The following YIF1A variants were observed in gnomAD, a reference collection of about 807,000 sequenced individuals.
YIF1A encodes Yip1 interacting factor homolog A, membrane trafficking protein, also known as protein YIF1A.
A neutral mutation model predicts 32.6 loss-of-function variants in YIF1A; 28 were observed. The observed-to-expected ratio is 0.86, with a 90% CI of 0.64 to 1.18. The LOEUF is 1.18. Ranked by LOEUF, YIF1A falls within the 50% of genes most tolerant of loss-of-function variation. The probability of loss-of-function intolerance (pLI) is 0.00; values close to 1 mark genes in which losing one functional copy is unlikely to be tolerated. For missense variants in YIF1A, 373 were observed against 390.8 expected (o/e 0.95, Z 0.38); for synonymous variants, 175 against 162.2 (o/e 1.08, Z -0.60).
intron 4 of YIF1A, among the ~76,000 whole-genome samples, chr11:66,286,489 C>T (rs1376529359): frequency 2.6e-5 from 4 of 152,254 alleles, no homozygotes; most frequent in South Asian, 2.1e-4. Context: ...TGGTGGCAGG[C>T]GCCTGTAGCC....
Position 66,287,799 on chromosome 11 carries a change from G to A in YIF1A, c.348+13C>T. The stretch of plus-strand genomic sequence containing the variant: ...TGAGGAAGGCCCACCAGCTCCCTTG[G>A]TAGGAAGCTCACCTGGTGTGTGTAG... On this transcript the variant is annotated intron_variant, in intron 3 of 7. Coordinates refer to ENST00000376901, the MANE Select transcript of YIF1A (RefSeq NM_020470.3). 1 of 1,612,380 alleles carries A rather than the reference G, an allele frequency of 6.2e-7. No homozygotes were observed. The highest frequency in any genetic ancestry group is 8.5e-7 in the Non-Finnish European group (1 of 1,178,474).
rs777306132 is a variant in YIF1A, at chr11:66,285,745, A to C, written c.441T>G (p.Ile147Met). 6.2e-7 allele frequency: 1 copy of C among 1,613,028 alleles called. No individual in the cohort carries two copies. The highest frequency in any genetic ancestry group is 8.5e-7 in the Non-Finnish European group (1 of 1,179,900). The change falls in exon 5 of 8, where the codon ATT (isoleucine) becomes ATG (methionine). Residue 147 changes from isoleucine to methionine, a missense_variant. By Grantham distance (10) the Ile-to-Met change is conservative. Coordinates refer to ENST00000376901, the MANE Select transcript of YIF1A (RefSeq NM_020470.3). ...PDLYIPTMAF[I>M]TYVLLAGMAL... ...CCATCCCAGCCAGGAGCACGTAAGTAATGAAGGCCATCGCTGCCAAGTGCC... is the reference window on the plus strand; with the variant it reads ...CCATCCCAGCCAGGAGCACGTAAGTCATGAAGGCCATCGCTGCCAAGTGCC...
Position 66,284,902 on chromosome 11 carries a change from A to C in YIF1A, c.706T>G (p.Trp236Gly). 6.2e-7 allele frequency: 1 copy of C among 1,613,354 alleles called. No individual in the cohort carries two copies. The highest frequency in any genetic ancestry group is 8.5e-7 in the Non-Finnish European group (1 of 1,180,000). The change falls in exon 7 of 8, where the codon TGG becomes GGG. Residue 236 changes from tryptophan (W) to glycine (G), a missense_variant. Coordinates refer to ENST00000376901, the MANE Select transcript of YIF1A (RefSeq NM_020470.3). ...GSDGYYVALA[W>G]TSSALMYFIV... ...AAGTACATGAGCGCCGATGAGGTCC[A>C]GGCCAGCGCCACGTAGTAGCCATCG...
At chr11:66,288,411 A>G in intron 1 of YIF1A, 119 bp from the exon 2 acceptor site, 7 of 1,207,668 alleles carry the variant, frequency 5.8e-6, no homozygotes, top group Non-Finnish European at 8.3e-6. Context: ...CAGTGAGGGG[A>G]CCCCAAGCTG....
chr11:66,288,393 G>A (rs1857397620), intron 1 of YIF1A, 101 bp from the exon 2 acceptor site: 1 of 1,416,278 alleles, frequency 7.1e-7, no homozygotes, highest in Non-Finnish European at 9.8e-7. Context: ...GGTCCTGGAG[G>A]CACCGATCAG....
Position 66,287,633 on chromosome 11 carries a change from C to T in YIF1A, c.392G>A (p.Arg131Gln), listed in dbSNP as rs774576544. ...GAGGTCAGGGGCGTTGAGGTCTTGC[C>T]GGGGGGGCAGAGGAGCATCACGACT... The part of the protein sequence containing the change: ...QYSRDAPLPP[R>Q]QDLNAPDLYI... The change falls in exon 4 of 8, where the codon CGG becomes CAG. Residue 131 changes from arginine to glutamine, a missense_variant. Transcript: ENST00000376901. 2.5e-6 allele frequency: 4 copies of T among 1,613,338 alleles called. No homozygotes were observed. Among genetic ancestry groups the T allele is most frequent in the South Asian group, 1.1e-5 (1 of 91,078 alleles).
chr11:66,285,203 T>C (rs1430101744), intron 6 of YIF1A, 178 bp downstream of exon 6: 3 of 1,064,794 alleles, frequency 2.8e-6, no homozygotes, highest in Non-Finnish European at 4.1e-6. Context: ...TCTCAACACC[T>C]CCCCAACCTC....
rs746021032 is a variant in YIF1A at position 66,285,757 on chromosome 11, CG to C, written c.428del (p.Thr143ArgfsTer38). ...GGAGCACGTAAGTAATGAAGGCCAT[CG>C]CTGCCAAGTGCCAGAGAGATGCCAT... ...DLNAPDLYIP[T>X]MAFITYVLLA... On this transcript the variant is annotated frameshift_variant and splice_region_variant, in exon 5 of 8. Transcript: ENST00000376901. LOFTEE classifies it high-confidence loss of function. 26 of 1,612,580 alleles carry C rather than the reference CG, an allele frequency of 1.6e-5. No homozygotes were observed. The highest frequency in any genetic ancestry group is 1.9e-5 in the Non-Finnish European group (22 of 1,179,836).
At chr11:66,287,558 C>G (rs757592520) in intron 4 of YIF1A, 40 bp downstream of exon 4, 40 of 1,572,332 alleles carry the variant, frequency 2.5e-5, no homozygotes, top group Non-Finnish European at 3.4e-5. Flanking sequence ...CCCCCCCGAC[C>G]CCACCCCACC....
Position 66,285,715 on chromosome 11 carries a change from C to T in YIF1A, c.471G>A (p.Leu157=). 1.9e-6 allele frequency: 3 copies of T among 1,613,372 alleles called. No homozygotes were observed. Among genetic ancestry groups the T allele is most frequent in the Middle Eastern group, 1.7e-4 (1 of 5,924 alleles). Residue 157 remains leucine, a synonymous_variant, in exon 5 of 8, where the codon CTG becomes CTA. Coordinates refer to ENST00000376901, the MANE Select transcript of YIF1A (RefSeq NM_020470.3). ...TTGGCACTGACCTTTTCTGAATGCC[C>T]AGTGCCATCCCAGCCAGGAGCACGT... The part of the protein sequence containing the change: ...ITYVLLAGMA[L]GIQKRFSPEV...
intron 1 of YIF1A, 108 bp downstream of exon 1, chr11:66,288,847 C>T: frequency 7.8e-7 from 1 of 1,283,272 alleles, no homozygotes; most frequent in South Asian, 1.7e-5. Context: ...CGAGTGACAC[C>T]CCCGCCCTGG....
At chr11:66,285,333 T>C (rs764541780) in intron 6 of YIF1A, 48 bp downstream of exon 6, 2 of 1,592,258 alleles carry the variant, frequency 1.3e-6, no homozygotes, top group Non-Finnish European at 1.7e-6. Context: ...GCTACAGCTA[T>C]GCAGGCCCAG....
chr11:66,285,924 C>T (rs552851657), intron 4 of YIF1A, among the ~76,000 whole-genome samples, 166 bp from the exon 5 acceptor site: 22 of 152,358 alleles, frequency 1.4e-4, no homozygotes, highest in African/African-American at 4.8e-4. Flanking sequence ...TGCCTGTCTC[C>T]GATCAGCCCT....
In YIF1A at chr11:66,284,602, G is replaced by A. The variant is rs1457541395; in HGVS notation, c.*35C>T. ...AAGTCAAGGAAATCAAATCTTCAAT[G>A]AATGAAAAACTCAGTGCCATCTGGG... On this transcript the variant is annotated 3_prime_UTR_variant, in exon 8 of 8. Transcript: ENST00000376901. The A allele has an allele frequency of 7.5e-6, 12 of 1,605,902 alleles. No individual in the cohort carries two copies. The highest frequency in any genetic ancestry group is 1.0e-5 in the Non-Finnish European group (12 of 1,175,070).
chr11:66,288,065 C>T lies in YIF1A; in HGVS notation c.243+16G>A, dbSNP rs374407210. 61 of 1,611,740 alleles carry T rather than the reference C, an allele frequency of 3.8e-5. No homozygotes were observed. The highest frequency in any genetic ancestry group is 4.6e-5 in the Non-Finnish European group (54 of 1,179,244). On this transcript the variant is annotated intron_variant, in intron 2 of 7. Coordinates refer to ENST00000376901, the MANE Select transcript of YIF1A (RefSeq NM_020470.3). ...GCCAAAAATTCTGCCACCCGTGCCC[C>T]GGGGGCAGGCCACACCTCCTTGTGC...
At position 66,285,361 on chromosome 11, in the gene YIF1A, C is replaced by G. The variant is rs2282568; in HGVS notation, c.641+20G>C. On this transcript the variant is annotated intron_variant, in intron 6 of 7. Coordinates refer to ENST00000376901, the MANE Select transcript of YIF1A (RefSeq NM_020470.3). Reference sequence around the variant, plus strand: ...AGGCCCAGATCCAAGGCCACCTCCCCCTGGCCCACAAGTGCTCACCCCACG... The same window carrying G: ...AGGCCCAGATCCAAGGCCACCTCCCGCTGGCCCACAAGTGCTCACCCCACG... 276,269 of 1,604,254 alleles carry G rather than the reference C, an allele frequency of 0.17. 24,358 individuals carry two copies. Among genetic ancestry groups the G allele is most frequent in the East Asian group, 0.25 (11,256 of 44,682 alleles).
At chr11:66,284,845 G>A (rs1857326588) in intron 7 of YIF1A, 28 bp downstream of exon 7, 12 of 1,612,810 alleles carry the variant, frequency 7.4e-6, no homozygotes, top group Non-Finnish European at 1.0e-5. Context: ...AGTGAAGGCA[G>A]GGGAATGGGG....
chr11:66,288,813 G>A (rs1857404845), intron 1 of YIF1A, 142 bp downstream of exon 1: 1 of 996,230 alleles, frequency 1.0e-6, no homozygotes. Context: ...GGGACGTGTT[G>A]GAGTGTTACG....
chr11:66,288,009 T>C, intron 2 of YIF1A, 72 bp downstream of exon 2: 1 of 1,607,276 alleles, frequency 6.2e-7, no homozygotes, highest in African/African-American at 1.3e-5. Context: ...CTGTGAGGAA[T>C]CGGGTGGAAT....
Sources: allele counts gnomAD v4.1 joint callset (sites outside exome capture counted in the v4.1 genomes callset), GRCh38; gene constraint gnomAD v4.1.1; transcripts MANE v1.5; gene names NCBI Gene and HGNC (gene_info 2026-07-23, HGNC 2026-07-21).